Variants in ACAN observed in about 807,000 individuals in gnomAD.
ACAN encodes aggrecan core protein.
In ACAN, 47 loss-of-function variants were observed where a neutral mutation model predicts 169.1. The ratio of observed to expected loss-of-function variants is 0.28; its 90% CI spans 0.22 to 0.35. The LOEUF (loss-of-function observed/expected upper bound fraction) is 0.35, where lower values mean the gene tolerates loss of function less well. Among genes scored for constraint, ACAN ranks in the 10% least tolerant of loss-of-function variants. The pLI is 1.00. For missense variants in ACAN, 2,716 were observed against 2,759.9 expected (o/e 0.98, Z 0.36); for synonymous variants, 1,115 against 1,112.2 (o/e 1.00, Z -0.05).
Position 88,855,266 on chromosome 15 carries a change from T to G in ACAN, c.2681T>G (p.Leu894Arg). The change falls in exon 12 of 19, where the codon CTG (leucine) becomes CGG (arginine). Residue 894 changes from leucine (L) to arginine (R), a missense_variant. Physicochemically the swap from Leu to Arg is moderately radical, Grantham distance 102. This residue lies in a region of ACAN where 1,283 missense variants were observed against 1,281.5 expected (regional missense o/e 1.00). Transcript: ENST00000560601. The stretch of plus-strand genomic sequence containing the variant: ...CTGTCAGGGGACAGGGCAAGTGGAC[T>G]GCCCTCTGGAGACCTGGACTCCAGT... The part of the protein sequence containing the change: ...GQLSGDRASG[L>R]PSGDLDSSGL... 6.2e-7 allele frequency: 1 copy of G among 1,608,702 alleles called. No homozygotes were observed. The highest frequency in any genetic ancestry group is 8.5e-7 in the Non-Finnish European group (1 of 1,175,822).
intron 8 of ACAN, 121 bp downstream of exon 8, chr15:88,847,538 T>G (rs1896826026): frequency 5.9e-6 from 7 of 1,181,344 alleles, no homozygotes; most frequent in African/African-American, 1.6e-5. Context: ...ATGAATGAAT[T>G]AGTGACTCAA....
Position 88,858,667 on chromosome 15 carries a change from G to A in ACAN, c.6082G>A (p.Ala2028Thr), listed in dbSNP as rs780573868. The change falls in exon 12 of 19, where the codon GCC becomes ACC. Residue 2028 changes from alanine (A) to threonine (T), a missense_variant. Ala to Thr is a moderately conservative substitution (Grantham distance 58). This residue lies in a region of ACAN where 1,389 missense variants were observed against 1,363.7 expected (regional missense o/e 1.02). Coordinates refer to ENST00000560601, the MANE Select transcript of ACAN (RefSeq NM_001369268.1). The surrounding 1 kb of genome is among the most constrained non-coding windows in gnomAD (Gnocchi z 4.0). ...SSVAMGTSGE[A>T]SGLPEVTLIT... ...TGTAGCCATGGGCACCAGTGGAGAG[G>A]CCTCAGGACTTCCAGAAGTTACTTT... is the stretch of plus-strand genomic sequence containing the variant. The A allele has an allele frequency of 6.2e-7, 1 of 1,613,970 alleles. No homozygotes were observed. The highest frequency in any genetic ancestry group is 8.5e-7 in the Non-Finnish European group (1 of 1,179,892).
Position 88,848,064 on chromosome 15 carries a change from G to A in ACAN, c.1732+26G>A, listed in dbSNP as rs377594553. Reference sequence around the variant, plus strand: ...GTACAAGCCACATTCTCACATTTCGGGCCCTAGATGGGCAGGGGGTGGGCA... The same window carrying A: ...GTACAAGCCACATTCTCACATTTCGAGCCCTAGATGGGCAGGGGGTGGGCA... On this transcript the variant is annotated intron_variant, in intron 9 of 18. Transcript: ENST00000560601. 1.9e-6 allele frequency: 3 copies of A among 1,608,544 alleles called. No individual in the cohort carries two copies. In the African/African-American group the frequency reaches 4.0e-5, roughly 21 times the overall value.
chr15:88,810,427 C>G, intron 1 of ACAN, among the ~76,000 whole-genome samples: 1 of 152,096 alleles, frequency 6.6e-6, no homozygotes, highest in Non-Finnish European at 1.5e-5. Flanking sequence ...CCTCAGAAAA[C>G]CTGGCCTTCT....
intron 1 of ACAN, among the ~76,000 whole-genome samples, chr15:88,820,482 C>T (rs923006040): frequency 3.9e-5 from 6 of 152,192 alleles, no homozygotes; most frequent in Non-Finnish European, 8.8e-5. Context: ...TTGGAGGCCT[C>T]TTCAGAATCT....
intron 7 of ACAN, 91 bp from the exon 8 acceptor site, chr15:88,847,152 A>G: frequency 7.6e-7 from 1 of 1,307,270 alleles, no homozygotes; most frequent in Non-Finnish European, 1.0e-6. Flanking sequence ...TATGTCAGGC[A>G]GCAGGAGTTG....
chr15:88,837,061 C>G (rs1430058879), intron 2 of ACAN, among the ~76,000 whole-genome samples: 1 of 152,224 alleles, frequency 6.6e-6, no homozygotes, highest in African/African-American at 2.4e-5. Context: ...AGAATTTCCC[C>G]TCCAAGTGGG....
Position 88,857,664 on chromosome 15 carries a change from T to C in ACAN, c.5079T>C (p.Ser1693=), listed in dbSNP as rs970630757. Residue 1693 remains serine (S), a synonymous_variant, in exon 12 of 19, where the codon TCT becomes TCC. Transcript: ENST00000560601. ...GCATCAGTGGTGCAGGAGAAATATC[T>C]GGACTGCCCTCCAGTGAGCTGGACA... The part of the protein sequence containing the change: ...TIGISGAGEI[S]GLPSSELDIS... The C allele has an allele frequency of 2.5e-6, 4 of 1,613,916 alleles. No homozygotes were observed. The highest frequency in any genetic ancestry group is 3.4e-6 in the Non-Finnish European group (4 of 1,179,902).
intron 1 of ACAN, among the ~76,000 whole-genome samples, chr15:88,822,865 A>T (rs1436684323): frequency 6.6e-6 from 1 of 152,232 alleles, no homozygotes; most frequent in Non-Finnish European, 1.5e-5. Flanking sequence ...AGATCCAAGG[A>T]CTAAACTCCA....
chr15:88,837,560 C>T (rs1896535626), intron 2 of ACAN, among the ~76,000 whole-genome samples: 1 of 152,170 alleles, frequency 6.6e-6, no homozygotes. Context: ...GAAACCAGTT[C>T]ATTAGGTTTG....
chr15:88,858,759 C>T lies in ACAN; in HGVS notation c.6174C>T (p.Pro2058=), dbSNP rs866985661. The T allele has an allele frequency of 6.2e-7, 1 of 1,613,926 alleles. No individual in the cohort carries two copies. The highest frequency in any genetic ancestry group is 8.5e-7 in the Non-Finnish European group (1 of 1,179,876). ...TTTCTCAGGAACTAGGCCAAAGGCC[C>T]CCTGTGACACACACACCCCAGCTTT... is the stretch of plus-strand genomic sequence containing the variant. ...PTISQELGQR[P]PVTHTPQLFE... is the part of the protein sequence containing the mutation. The change falls in exon 12 of 19, where the codon CCC becomes CCT. Residue 2058 remains proline (P), a synonymous_variant. Transcript: ENST00000560601. This position sits in a 1 kb window ranked among gnomAD's most constrained non-coding sequence, Gnocchi z 4.0.
At chr15:88,812,982 A>T (rs1449613663) in intron 1 of ACAN, among the ~76,000 whole-genome samples, 1 of 152,196 alleles carries the variant, frequency 6.6e-6, no homozygotes, top group Non-Finnish European at 1.5e-5. Context: ...GGTGAAAAGG[A>T]TCTCATCCCT....
At chr15:88,808,925 A>T (rs1362568930) in intron 1 of ACAN, among the ~76,000 whole-genome samples, 1 of 152,178 alleles carries the variant, frequency 6.6e-6, no homozygotes, top group African/African-American at 2.4e-5. Context: ...CCCATGGTAA[A>T]TTAGAAAAAA....
Position 88,847,933 on chromosome 15 carries a change from A to T in ACAN, c.1627A>T (p.Thr543Ser). The change falls in exon 9 of 19, where the codon ACC becomes TCC. Residue 543 changes from threonine (T) to serine (S), a missense_variant. Physicochemically the swap from Thr to Ser is moderately conservative, Grantham distance 58. Around this residue, in one of 3 missense-constraint regions of ACAN, gnomAD observed 1,283 missense variants for 1,281.5 expected, o/e 1.00. Transcript: ENST00000560601. ...TVRYPIVSPR[T>S]PCVGDKDSSP... Reference sequence around the variant, plus strand: ...CAGATACCCCATTGTGAGCCCCCGGACCCCATGCGTGGGTGACAAGGACAG... The same window carrying T: ...CAGATACCCCATTGTGAGCCCCCGGTCCCCATGCGTGGGTGACAAGGACAG... 1 of 1,613,692 alleles carries T rather than the reference A, an allele frequency of 6.2e-7. No homozygotes were observed.
rs1292724356 is a variant in ACAN, at chr15:88,873,515, A to C, written c.7448-327A>C. ...CCTTGCGTCCCCCAGGCCTCCTTTCAGTCTCATTTTCCCCTGAACTAGATG... is the reference window on the plus strand; with the variant it reads ...CCTTGCGTCCCCCAGGCCTCCTTTCCGTCTCATTTTCCCCTGAACTAGATG... On this transcript the variant is annotated intron_variant, in intron 17 of 18. Coordinates refer to ENST00000560601, the MANE Select transcript of ACAN (RefSeq NM_001369268.1). This position sits in a 1 kb window ranked among gnomAD's most constrained non-coding sequence, Gnocchi z 7.5. Among the ~76,000 whole-genome samples, 1 of 152,136 alleles carries C rather than the reference A, an allele frequency of 6.6e-6. No individual in the cohort carries two copies.
rs552964433 is a variant in ACAN, at chr15:88,841,061, C to T, written c.630-679C>T. ...TCGGGAGGCTGAGGCAGGAGAATGG[C>T]GTGAACCCGGGAGGTGGAGCTTGCA... On this transcript the variant is annotated intron_variant, in intron 4 of 18. Coordinates refer to ENST00000560601, the MANE Select transcript of ACAN (RefSeq NM_001369268.1). 2.6e-3 allele frequency among the ~76,000 whole-genome samples: 391 copies of T among 152,314 alleles called. 1 individual carries two copies. The highest frequency in any genetic ancestry group is 0.016 in the South Asian group (77 of 4,826).
rs1897092429 is a variant in ACAN at position 88,857,797 on chromosome 15, C to G, written c.5212C>G (p.Gln1738Glu). The part of the protein sequence containing the change: ...EIPGLFGVSG[Q>E]PSGFPDTSGE... Reference sequence around the variant, plus strand: ...ACCTGGACTCTTTGGTGTCAGTGGACAGCCATCAGGGTTTCCTGACACTAG... The same window carrying G: ...ACCTGGACTCTTTGGTGTCAGTGGAGAGCCATCAGGGTTTCCTGACACTAG... The change falls in exon 12 of 19, where the codon CAG (glutamine) becomes GAG (glutamate). Residue 1738 changes from glutamine (Q) to glutamate (E), a missense_variant. Gln to Glu is a conservative substitution (Grantham distance 29). This residue lies in a region of ACAN where 1,389 missense variants were observed against 1,363.7 expected (regional missense o/e 1.02). Transcript: ENST00000560601. The G allele has an allele frequency of 6.2e-7, 1 of 1,613,826 alleles. No homozygotes were observed. The highest frequency in any genetic ancestry group is 1.3e-5 in the African/African-American group (1 of 74,922).
In ACAN at chr15:88,842,319, G is replaced by T. The variant is rs550795196; in HGVS notation, c.757+452G>T. Among the ~76,000 whole-genome samples the T allele has an allele frequency of 3.3e-5, 5 of 152,300 alleles. No individual in the cohort carries two copies. In the East Asian group the frequency reaches 9.7e-4, roughly 29 times the overall value. ...CCCTCTCCCAGAGTCCCTGTGGGCA[G>T]CCCCAGCTCTGTTCTTGGACAGAGC... On this transcript the variant is annotated intron_variant, in intron 5 of 18. Transcript: ENST00000560601.
In ACAN at chr15:88,838,096, G is replaced by C. The variant is rs986952123; in HGVS notation, c.71-567G>C. Among the ~76,000 whole-genome samples the C allele has an allele frequency of 2.0e-5, 3 of 151,896 alleles. No homozygotes were observed. Among genetic ancestry groups the C allele is most frequent in the South Asian group, 4.2e-4 (2 of 4,808 alleles). Reference sequence around the variant, plus strand: ...ACCAAAAGGTCTGATCTTCTCGGATGCTTCTCCACCTGAGTCCCCTGACTC... The same window carrying C: ...ACCAAAAGGTCTGATCTTCTCGGATCCTTCTCCACCTGAGTCCCCTGACTC... On this transcript the variant is annotated intron_variant, in intron 2 of 18. Coordinates refer to ENST00000560601, the MANE Select transcript of ACAN (RefSeq NM_001369268.1). This position sits in a 1 kb window ranked among gnomAD's most constrained non-coding sequence, Gnocchi z 5.1.
Sources: allele counts gnomAD v4.1 joint callset (sites outside exome capture counted in the v4.1 genomes callset), GRCh38; gene constraint gnomAD v4.1.1; regional missense constraint gnomAD v4.1.1; non-coding constraint Gnocchi (gnomAD v3.1); transcripts MANE v1.5; gene names NCBI Gene and HGNC (gene_info 2026-07-23, HGNC 2026-07-21).